The following MRPS21 variants were observed in gnomAD, a reference collection of about 807,000 sequenced individuals.
The protein encoded by MRPS21 is mitochondrial ribosomal protein S21.
A neutral mutation model predicts 9.9 loss-of-function variants in MRPS21; 8 were observed. The ratio of observed to expected loss-of-function variants is 0.81; its 90% CI spans 0.47 to 1.45. The LOEUF (loss-of-function observed/expected upper bound fraction) is 1.45, where lower values mean the gene tolerates loss of function less well. Ranked by LOEUF, MRPS21 falls within the 40% of genes most tolerant of loss-of-function variation. MRPS21 has a pLI of 0.00. For missense variants in MRPS21, 101 were observed against 118.9 expected (o/e 0.85, Z 0.70); for synonymous variants, 40 against 40.3 (o/e 0.99, Z 0.03).
intron 2 of MRPS21, among the ~76,000 whole-genome samples, chr1:150,306,656 C>T (rs11205360): frequency 0.084 from 12,835 of 152,038 alleles, 709 homozygotes; most frequent in Non-Finnish European, 0.12. Flanking sequence ...CCACCATGCC[C>T]GGCTAATTTT....
At chr1:150,294,107 G>A (rs1011646712) in intron 1 of MRPS21, 11 of 400,922 alleles carry the variant, frequency 2.7e-5, no homozygotes, top group Non-Finnish European at 1.4e-5. Flanking sequence ...CGTCTTTGTG[G>A]TAACGCCCTG....
chr1:150,300,841 T>C (rs1553857516), intron 2 of MRPS21, among the ~76,000 whole-genome samples: 1 of 152,130 alleles, frequency 6.6e-6, no homozygotes. Flanking sequence ...AAAAGCAATT[T>C]ACATTGCTTA....
chr1:150,302,357 G>C (rs587604453), intron 2 of MRPS21, among the ~76,000 whole-genome samples: 17 of 152,170 alleles, frequency 1.1e-4, no homozygotes, highest in Non-Finnish European at 2.2e-4. Context: ...GTGGAGAGTG[G>C]GGGTTGCTAG....
chr1:150,297,816 C>G (rs1240446413), intron 2 of MRPS21, among the ~76,000 whole-genome samples: 2 of 152,126 alleles, frequency 1.3e-5, no homozygotes, highest in Non-Finnish European at 2.9e-5. Flanking sequence ...TTTCATTTTT[C>G]TCTGTTTCTC....
At chr1:150,296,599 A>G (rs1553856604) in intron 2 of MRPS21, among the ~76,000 whole-genome samples, 1 of 152,186 alleles carries the variant, frequency 6.6e-6, no homozygotes, top group African/African-American at 2.4e-5. Context: ...TGTAGGAAAG[A>G]TATTGCATGG....
chr1:150,308,098 A>AT lies in MRPS21; in HGVS notation c.135dup (p.Glu46Ter), dbSNP rs782410319. 5 of 1,605,508 alleles carry AT rather than the reference A, an allele frequency of 3.1e-6. No homozygotes were observed. The highest frequency in any genetic ancestry group is 8.5e-7 in the Non-Finnish European group (1 of 1,172,772). ...GAGGACATTAAGCATCGGCGGTATTATGAGAAGCCATGCTGCCGGCGACAG... is the reference window on the plus strand; with the variant it reads ...GAGGACATTAAGCATCGGCGGTATTATTGAGAAGCCATGCTGCCGGCGACAG... On this transcript the variant is annotated frameshift_variant, in exon 3 of 3. Transcript: ENST00000614145. LOFTEE classifies it high-confidence loss of function.
intron 2 of MRPS21, among the ~76,000 whole-genome samples, chr1:150,302,268 T>C (rs1266619337): frequency 6.6e-6 from 1 of 152,166 alleles, no homozygotes; most frequent in African/African-American, 2.4e-5. Flanking sequence ...GGAAATAGCC[T>C]ACGTGTCTGT....
chr1:150,298,442 C>T (rs587610494), intron 2 of MRPS21, among the ~76,000 whole-genome samples: 2 of 152,276 alleles, frequency 1.3e-5, no homozygotes, highest in Admixed American at 6.5e-5. Flanking sequence ...ATTGAAAGAT[C>T]AAAGGATAGC....
At chr1:150,295,471 A>G (rs1653882725) in intron 2 of MRPS21, among the ~76,000 whole-genome samples, 1 of 152,168 alleles carries the variant, frequency 6.6e-6, no homozygotes, top group Non-Finnish European at 1.5e-5. Context: ...TTTATGAGGA[A>G]CCTGAATTCT....
chr1:150,294,879 A>G (rs1653855920), intron 2 of MRPS21, among the ~76,000 whole-genome samples: 1 of 133,680 alleles, frequency 7.5e-6, no homozygotes, highest in Non-Finnish European at 1.6e-5. Flanking sequence ...AGCCTGGGCA[A>G]GAGTGAGACT....
intron 2 of MRPS21, among the ~76,000 whole-genome samples, chr1:150,300,209 G>T (rs1654066089): frequency 6.6e-6 from 1 of 152,036 alleles, no homozygotes; most frequent in African/African-American, 2.4e-5. Context: ...CGGGTATGAT[G>T]GTGCATACCT....
intron 2 of MRPS21, among the ~76,000 whole-genome samples, chr1:150,303,448 T>C (rs1654217203): frequency 6.6e-6 from 1 of 152,226 alleles, no homozygotes; most frequent in Admixed American, 6.5e-5. Flanking sequence ...GTGTCCCTTA[T>C]CGGCTTCCAT....
rs1255492289 is a variant in MRPS21, at chr1:150,308,136, G to T, written c.172G>T (p.Glu58Ter). 1.2e-6 allele frequency: 2 copies of T among 1,610,174 alleles called. No homozygotes were observed. Among genetic ancestry groups the T allele is most frequent in the African/African-American group, 2.7e-5 (2 of 74,886 alleles). ...CTGCCGGCGACAGAGGGAAAGCTAT[G>T]AAAGGTGCCGGCGGATCTACAACAT... ...PCCRRQRESY[E>*]RCRRIYNMEM... is the part of the protein sequence containing the mutation. The change falls in exon 3 of 3, where the codon GAA becomes TAA. Residue 58 changes from glutamate to a stop codon, truncating the protein, a stop_gained. Coordinates refer to ENST00000614145, the MANE Select transcript of MRPS21 (RefSeq NM_031901.6). LOFTEE classifies it high-confidence loss of function.
chr1:150,299,428 T>TG (rs1396372254), intron 2 of MRPS21, among the ~76,000 whole-genome samples: 6 of 548 alleles, frequency 0.011, no homozygotes, highest in Non-Finnish European at 0.017. Context: ...TTGCTTTTCC[T>TG]GTTTTTTTTT....
intron 2 of MRPS21, among the ~76,000 whole-genome samples, chr1:150,300,151 T>C (rs1314354811): frequency 6.6e-6 from 1 of 152,090 alleles, no homozygotes; most frequent in Non-Finnish European, 1.5e-5. Flanking sequence ...AAGACCAGCC[T>C]GGCCAACATG....
intron 2 of MRPS21, among the ~76,000 whole-genome samples, chr1:150,300,492 C>G (rs1553857462): frequency 6.6e-6 from 1 of 152,000 alleles, no homozygotes; most frequent in Non-Finnish European, 1.5e-5. Context: ...TCTTTTTTGT[C>G]ACTTATTTAA....
chr1:150,305,863 T>C (rs1553858442), intron 2 of MRPS21, among the ~76,000 whole-genome samples: 1 of 123,162 alleles, frequency 8.1e-6, no homozygotes, highest in African/African-American at 2.9e-5. Flanking sequence ...AAAAGATATA[T>C]ATATAGGGGG....
chr1:150,305,840 A>C (rs1435628875), intron 2 of MRPS21, among the ~76,000 whole-genome samples: 33 of 149,088 alleles, frequency 2.2e-4, no homozygotes, highest in Non-Finnish European at 1.5e-5. Flanking sequence ...AGTGATCAGT[A>C]GGGCAGGTTA....
intron 2 of MRPS21, among the ~76,000 whole-genome samples, chr1:150,300,949 G>A (rs1297393170): frequency 1.3e-5 from 2 of 152,104 alleles, no homozygotes; most frequent in African/African-American, 4.8e-5. Flanking sequence ...TGTAAGCTCA[G>A]CACTTTGGGA....
Sources: gnomAD v4.1 joint callset for allele counts (sites outside exome capture counted in the v4.1 genomes callset) on GRCh38, gnomAD v4.1.1 for gene constraint, MANE v1.5 for transcripts, NCBI Gene and HGNC (gene_info 2026-07-23, HGNC 2026-07-21) for gene names.